The following FCGR2B variants were observed in gnomAD, a reference collection of about 807,000 sequenced individuals.
FCGR2B encodes low affinity immunoglobulin gamma Fc region receptor II-b.
FCGR2B carries 18 observed loss-of-function variants against 24.8 expected under a neutral mutation model. The observed-to-expected ratio is 0.73, with a 90% confidence interval of 0.50 to 1.08. The LOEUF (loss-of-function observed/expected upper bound fraction) is 1.08. Ranked by LOEUF, FCGR2B falls within the 50% of genes least tolerant of loss-of-function variation. The probability of loss-of-function intolerance (pLI) is 0.00; values close to 1 mark genes in which losing one functional copy is unlikely to be tolerated. For synonymous variants in FCGR2B, 79 were observed against 109.8 expected, an observed-to-expected ratio of 0.72 and a Z score of 1.75; for missense variants, 215 against 297.6, an observed-to-expected ratio of 0.72 and a Z score of 2.04.
At chr1:161,676,973 C>T (rs1474606616) in intron 6 of FCGR2B, 5 of 347,414 alleles carry the variant, frequency 1.4e-5, no homozygotes, top group African/African-American at 2.2e-5. Flanking sequence ...AAAATCTGGA[C>T]TTTACTTCAC....
Position 161,671,593 on chromosome 1 carries a change from C to G in FCGR2B, c.335C>G (p.Thr112Arg), listed in dbSNP as rs1388345850. Residue 112 changes from threonine (T) to arginine (R), a missense_variant, in exon 3 of 8, where the codon ACG becomes AGG. Thr to Arg is a moderately conservative substitution (Grantham distance 71, BLOSUM62 -1). Transcript: ENST00000358671. ...KANNNDSGEY[T>R]CQTGQTSLSD... ...AACAACAATGACAGCGGGGAGTACA[C>G]GTGCCAGACTGGCCAGACCAGCCTC... 6.2e-7 allele frequency: 1 copy of G among 1,614,130 alleles called. No individual in the cohort carries two copies. The highest frequency in any genetic ancestry group is 1.7e-5 in the Admixed American group (1 of 60,026).
chr1:161,652,388 AC>A, the FCGR2B span, among the ~76,000 whole-genome samples: 1 of 131,510 alleles, frequency 7.6e-6, no homozygotes, highest in Non-Finnish European at 1.7e-5. Flanking sequence ...TCTACTGATG[AC>A]CCTGTCAAAT....
the FCGR2B span, among the ~76,000 whole-genome samples, chr1:161,650,906 A>G: frequency 1.0e-5 from 1 of 100,320 alleles, no homozygotes; most frequent in Non-Finnish European, 2.1e-5. Context: ...GTTCTGATGC[A>G]CCCTTTGAGG....
At position 161,675,263 on chromosome 1, in the gene FCGR2B, C is replaced by G. The variant is rs1264855442; in HGVS notation, c.767C>G (p.Pro256Arg). The G allele has an allele frequency of 6.2e-7, 1 of 1,606,346 alleles. No individual in the cohort carries two copies. The highest frequency in any genetic ancestry group is 1.1e-5 in the South Asian group (1 of 89,780). The change falls in exon 6 of 8, where the codon CCA (proline) becomes CGA (arginine). Residue 256 changes from proline (P) to arginine (R), a missense_variant. Physicochemically the swap from Pro to Arg is moderately radical, Grantham distance 103 (BLOSUM62 -2). This residue lies in a region of FCGR2B where 81 missense variants were observed against 81.6 expected (regional missense o/e 0.99). Transcript: ENST00000358671. ...YCRKKRISALPGYPECREMGE... is the reference protein window; with the variant it reads ...YCRKKRISALRGYPECREMGE... ...TCCTGTGTGCCCCTCCCAGCTCTCC[C>G]AGGATACCCTGAGTGCAGGGAAATG...
the FCGR2B span, among the ~76,000 whole-genome samples, chr1:161,647,836 A>G: frequency 6.6e-6 from 1 of 151,038 alleles, no homozygotes; most frequent in South Asian, 2.1e-4. Flanking sequence ...CCTCAGGTCA[A>G]GGTACCCAAA....
At chr1:161,672,763 C>T in intron 3 of FCGR2B, 3 of 782,968 alleles carry the variant, frequency 3.8e-6, no homozygotes, top group South Asian at 3.8e-5. Flanking sequence ...CTATCATGCT[C>T]ATTTTCACGA....
the FCGR2B span, among the ~76,000 whole-genome samples, chr1:161,652,438 A>T: frequency 4.1e-4 from 55 of 133,668 alleles, 10 homozygotes; most frequent in East Asian, 0.011. Context: ...AAAATTTGCT[A>T]ACATTTCCAT....
chr1:161,675,994 T>C (rs551868997), intron 6 of FCGR2B: 1 of 232,250 alleles, frequency 4.3e-6, no homozygotes, highest in Non-Finnish European at 8.5e-6. Flanking sequence ...GTCTCCTCAC[T>C]GAGGAAATGA....
chr1:161,648,771 C>A, the FCGR2B span, among the ~76,000 whole-genome samples: 1 of 150,764 alleles, frequency 6.6e-6, no homozygotes, highest in South Asian at 2.1e-4. Flanking sequence ...CTCATTGTAA[C>A]CTCTATGTTC....
rs777012003 is a variant in FCGR2B, at chr1:161,675,256, G to T, written c.761-1G>T. On this transcript the variant is annotated splice_acceptor_variant, in intron 5 of 7. Transcript: ENST00000358671. LOFTEE classifies it high-confidence loss of function. The stretch of plus-strand genomic sequence containing the variant: ...ACTAACCTCCTGTGTGCCCCTCCCA[G>T]CTCTCCCAGGATACCCTGAGTGCAG... 6.2e-7 allele frequency: 1 copy of T among 1,605,726 alleles called. No individual in the cohort carries two copies. Among genetic ancestry groups the T allele is most frequent in the Admixed American group, 1.7e-5 (1 of 59,408 alleles).
intron 5 of FCGR2B, chr1:161,674,698 A>C (rs1226185613): frequency 6.0e-6 from 1 of 167,030 alleles, no homozygotes; most frequent in African/African-American, 2.4e-5. Flanking sequence ...GTAACAGCAC[A>C]CAAACAGGGC....
rs202041375 is a variant in FCGR2B, at chr1:161,671,370, A to G, written c.134-22A>G. Reference sequence around the variant, plus strand: ...TCCTGGGCTTCCTCTTCTTCATGCTACCTCCTCTCTCTGCCCCTCAGCAGC... The same window carrying G: ...TCCTGGGCTTCCTCTTCTTCATGCTGCCTCCTCTCTCTGCCCCTCAGCAGC... On this transcript the variant is annotated intron_variant, in intron 2 of 7. Coordinates refer to ENST00000358671, the MANE Select transcript of FCGR2B (RefSeq NM_001394477.1). The G allele has an allele frequency of 2.1e-3, 3,382 of 1,613,424 alleles. 7 individuals carry two copies. The highest frequency in any genetic ancestry group is 2.7e-3 in the Non-Finnish European group (3,136 of 1,179,886).
At chr1:161,647,297 CT>C in the FCGR2B span, among the ~76,000 whole-genome samples, 19,118 of 122,008 alleles carry the variant, frequency 0.16, 1,068 homozygotes, top group Middle Eastern at 0.23. Context: ...GCTCTGGACT[CT>C]TTTTTTTTTT....
At chr1:161,661,228 AAG>A (rs1491241255), upstream of FCGR2B, among the ~76,000 whole-genome samples, 5 of 81,718 alleles carry the variant, frequency 6.1e-5, no homozygotes, top group Non-Finnish European at 8.7e-5. Context: ...GAAAGAAAGA[AAG>A]AAAGAAAGAA....
the FCGR2B span, among the ~76,000 whole-genome samples, chr1:161,654,924 G>T: frequency 7.2e-6 from 1 of 138,786 alleles, no homozygotes; most frequent in East Asian, 1.9e-4. Context: ...TGTTTCTAAT[G>T]AAAACATTTT....
intron 5 of FCGR2B, 186 bp from the exon 6 acceptor site, chr1:161,675,071 C>T (rs1681996744): frequency 1.1e-5 from 6 of 545,678 alleles, no homozygotes; most frequent in East Asian, 6.8e-5. Flanking sequence ...CTGAATTCTG[C>T]CTCTGGACCA....
the FCGR2B span, among the ~76,000 whole-genome samples, chr1:161,650,150 C>T: frequency 0.077 from 11,332 of 147,990 alleles, 888 homozygotes; most frequent in Middle Eastern, 0.11. Context: ...TGGGACTACA[C>T]GCCACCATGC....
the FCGR2B span, among the ~76,000 whole-genome samples, chr1:161,647,410 C>A: frequency 1.0e-4 from 15 of 149,084 alleles, no homozygotes; most frequent in Non-Finnish European, 1.6e-4. Flanking sequence ...AAGCAATTCT[C>A]CTGCCTCAGC....
At chr1:161,655,079 C>A in the FCGR2B span, among the ~76,000 whole-genome samples, 10,538 of 141,544 alleles carry the variant, frequency 0.074, 17 homozygotes, top group Non-Finnish European at 0.098. Flanking sequence ...ACTTGATAAT[C>A]TAAAAAGCAG....
Sources: gnomAD v4.1 joint callset for allele counts (sites outside exome capture counted in the v4.1 genomes callset) on GRCh38, gnomAD v4.1.1 for gene constraint, gnomAD v4.1.1 regional missense constraint, MANE v1.5 for transcripts, NCBI Gene and HGNC (gene_info 2026-07-23, HGNC 2026-07-21) for gene names.